The following NUTM2F variants were observed in gnomAD, a reference collection of about 807,000 sequenced individuals.
NUTM2F encodes family with sequence similarity 22, member F.
Under a neutral mutation model 43.3 loss-of-function variants are expected in NUTM2F, and 22 were observed. The ratio of observed to expected loss-of-function variants is 0.51; its 90% CI spans 0.36 to 0.73. The LOEUF (loss-of-function observed/expected upper bound fraction) is 0.73. NUTM2F is among the 30% of genes least tolerant of loss of function. The pLI is 0.00. For missense variants in NUTM2F, 488 were observed against 927.4 expected (o/e 0.53, Z 6.15); for synonymous variants, 202 against 389.0 (o/e 0.52, Z 5.66).
intron 2 of NUTM2F, among the ~76,000 whole-genome samples, chr9:94,323,536 A>C (rs1242164002): frequency 6.6e-6 from 1 of 152,144 alleles, no homozygotes; most frequent in Non-Finnish European, 1.5e-5. Flanking sequence ...TGGTGCACTC[A>C]GAGCTATCAC....
Position 94,327,252 on chromosome 9 carries a change from C to T in NUTM2F, c.17-1318G>A, listed in dbSNP as rs1484471330. Among the ~76,000 whole-genome samples, 52 of 151,974 alleles carry T rather than the reference C, an allele frequency of 3.4e-4. 1 individual carries two copies. Among genetic ancestry groups the T allele is most frequent in the Admixed American group, 3.2e-3 (49 of 15,258 alleles). On this transcript the variant is annotated intron_variant, in intron 1 of 6. Transcript: ENST00000253262. The stretch of plus-strand genomic sequence containing the variant: ...CTGAGTAGCTGGGATTACAGGCGCC[C>T]GCCACCATGCCCAGCCAATTTTTGT...
In NUTM2F at chr9:94,320,245, A is replaced by G. The variant is rs1208891917; in HGVS notation, c.1331T>C (p.Ile444Thr). 8.1e-6 allele frequency: 13 copies of G among 1,613,818 alleles called. No homozygotes were observed. Among genetic ancestry groups the G allele is most frequent in the Non-Finnish European group, 1.0e-5 (12 of 1,179,872 alleles). The change falls in exon 5 of 7, where the codon ATT becomes ACT. Residue 444 changes from isoleucine (I) to threonine (T), a missense_variant. Ile to Thr is a moderately conservative substitution (Grantham distance 89). Coordinates refer to ENST00000253262, the MANE Select transcript of NUTM2F (RefSeq NM_017561.2). This position sits in a 1 kb window ranked among gnomAD's most constrained non-coding sequence, Gnocchi z 4.5. The part of the protein sequence containing the change: ...ITSDPGLLSY[I>T]DKLCSQEDFV... ...GTCTTCCTGGGAACACAGCTTGTCA[A>G]TGTAGCTCAGGAGGCCCGGGTCTGA... is the stretch of plus-strand genomic sequence containing the variant.
rs1831330035 is a variant in NUTM2F at position 94,319,678 on chromosome 9, G to A, written c.1420C>T (p.Pro474Ser). The part of the protein sequence containing the change: ...RFLEELLSPD[P>S]QMDFLALSQE... ...CTTAGGGCCAAGAAATCCATCTGTGGATCTGGGGAAAGCAATTCTTCCAGG... is the reference window on the plus strand; with the variant it reads ...CTTAGGGCCAAGAAATCCATCTGTGAATCTGGGGAAAGCAATTCTTCCAGG... Residue 474 changes from proline to serine, a missense_variant, in exon 6 of 7, where the codon CCA (proline) becomes TCA (serine). By Grantham distance (74) the Pro-to-Ser change is moderately conservative. Transcript: ENST00000253262. 1 of 1,611,736 alleles carries A rather than the reference G, an allele frequency of 6.2e-7. No individual in the cohort carries two copies. Among genetic ancestry groups the A allele is most frequent in the South Asian group, 1.1e-5 (1 of 90,986 alleles).
chr9:94,325,958 G>A (rs1235216323), intron 1 of NUTM2F, 24 bp from the exon 2 acceptor site: 2 of 1,610,306 alleles, frequency 1.2e-6, no homozygotes, highest in Admixed American at 3.3e-5. Context: ...GGAAAGAGGT[G>A]AATGAGCTGG....
rs528187337 is a variant in NUTM2F, at chr9:94,319,460, A to G, written c.1485+153T>C. 1.4e-4 allele frequency among the ~76,000 whole-genome samples: 21 copies of G among 146,502 alleles called. 1 individual carries two copies. The East Asian group carries it at 4.1e-3, about 29-fold the overall frequency. The stretch of plus-strand genomic sequence containing the variant: ...CCCCTCCCTGGCTCCTCTCCATCCT[A>G]CTCCCTCTGAACCTGCATCTTCCCA... On this transcript the variant is annotated intron_variant, in intron 6 of 6. Coordinates refer to ENST00000253262, the MANE Select transcript of NUTM2F (RefSeq NM_017561.2).
In NUTM2F at chr9:94,320,299, T is replaced by G. The variant is rs1486973153; in HGVS notation, c.1277A>C (p.Glu426Ala). Residue 426 changes from glutamate to alanine, a missense_variant, in exon 5 of 7, where the codon GAG becomes GCG. By Grantham distance (107) the Glu-to-Ala change is moderately radical. Transcript: ENST00000253262. The surrounding 1 kb of genome is among the most constrained non-coding windows in gnomAD (Gnocchi z 4.5). ...PEGQREKGKV[E>A]QPQEEDGITS... The stretch of plus-strand genomic sequence containing the variant: ...TATCCCGTCCTCTTCCTGCGGCTGC[T>G]CCACTTTGCCCTTTTCCCGTTGTCC... 3.1e-6 allele frequency: 5 copies of G among 1,613,846 alleles called. No individual in the cohort carries two copies. The Admixed American group carries it at 8.3e-5, about 27-fold the overall frequency.
At chr9:94,327,935 A>G (rs1263829269) in intron 1 of NUTM2F, among the ~76,000 whole-genome samples, 2 of 147,536 alleles carry the variant, frequency 1.4e-5, no homozygotes, top group Non-Finnish European at 3.0e-5. Flanking sequence ...AACTCAGGAA[A>G]CCCAGGCCCT....
At position 94,322,568 on chromosome 9, in the gene NUTM2F, C is replaced by T. The variant is rs574609382; in HGVS notation, c.714-239G>A. Among the ~76,000 whole-genome samples the T allele has an allele frequency of 1.1e-4, 17 of 152,334 alleles. No individual in the cohort carries two copies. In the South Asian group the frequency reaches 2.7e-3, roughly 24 times the overall value. On this transcript the variant is annotated intron_variant, in intron 2 of 6. Coordinates refer to ENST00000253262, the MANE Select transcript of NUTM2F (RefSeq NM_017561.2). ...TCCTCGGTGTTATGATGTTGACAAG[C>T]GAACTCAGTGCTATGGGTGGAACAT...
chr9:94,319,689 A>G lies in NUTM2F; in HGVS notation c.1409T>C (p.Leu470Pro), dbSNP rs1347527237. 2.5e-6 allele frequency: 4 copies of G among 1,611,660 alleles called. No individual in the cohort carries two copies. Among genetic ancestry groups the G allele is most frequent in the Non-Finnish European group, 3.4e-6 (4 of 1,179,788 alleles). The part of the protein sequence containing the change: ...VIHPRFLEEL[L>P]SPDPQMDFLA... ...GAAATCCATCTGTGGATCTGGGGAA[A>G]GCAATTCTTCCAGGAATCGGGGGTG... The change falls in exon 6 of 7, where the codon CTT (leucine) becomes CCT (proline). Residue 470 changes from leucine (L) to proline (P), a missense_variant. Coordinates refer to ENST00000253262, the MANE Select transcript of NUTM2F (RefSeq NM_017561.2).
rs1401552488 is a variant in NUTM2F at position 94,320,265 on chromosome 9, G to A, written c.1311C>T (p.Asp437=). Reference sequence around the variant, plus strand: ...TGTCAATGTAGCTCAGGAGGCCCGGGTCTGAGGTTATCCCGTCCTCTTCCT... The same window carrying A: ...TGTCAATGTAGCTCAGGAGGCCCGGATCTGAGGTTATCCCGTCCTCTTCCT... ...QPQEEDGITS[D]PGLLSYIDKL... Residue 437 remains aspartate, a synonymous_variant, in exon 5 of 7, where the codon GAC becomes GAT. Coordinates refer to ENST00000253262, the MANE Select transcript of NUTM2F (RefSeq NM_017561.2). This position sits in a 1 kb window ranked among gnomAD's most constrained non-coding sequence, Gnocchi z 4.5. 3.1e-6 allele frequency: 5 copies of A among 1,613,882 alleles called. No individual in the cohort carries two copies. Among genetic ancestry groups the A allele is most frequent in the Non-Finnish European group, 4.2e-6 (5 of 1,179,886 alleles).
chr9:94,327,111 T>C (rs1831460732), intron 1 of NUTM2F, among the ~76,000 whole-genome samples: 1 of 141,728 alleles, frequency 7.1e-6, no homozygotes, highest in South Asian at 2.4e-4. Context: ...TTTTTCTTTT[T>C]TTTTTTTTTT....
rs1378494657 is a variant in NUTM2F at position 94,320,489 on chromosome 9, G to T, written c.1087C>A (p.Pro363Thr). The change falls in exon 5 of 7, where the codon CCC becomes ACC. Residue 363 changes from proline to threonine, a missense_variant. By Grantham distance (38) the Pro-to-Thr change is conservative. Transcript: ENST00000253262. The surrounding 1 kb of genome is among the most constrained non-coding windows in gnomAD (Gnocchi z 4.5). The part of the protein sequence containing the change: ...ETKAHLPPPR[P>T]QRPAETNAHL... The stretch of plus-strand genomic sequence containing the variant: ...GCGTTGGTCTCCGCTGGCCTCTGGG[G>T]CCTGGGTGGTGGCAGGTGGGCCTTG... 6.2e-6 allele frequency: 10 copies of T among 1,611,460 alleles called. No individual in the cohort carries two copies. The highest frequency in any genetic ancestry group is 8.5e-6 in the Non-Finnish European group (10 of 1,179,508).
rs748680854 is a variant in NUTM2F, at chr9:94,320,349, G to A, written c.1227C>T (p.His409=). 9.9e-6 allele frequency: 16 copies of A among 1,613,548 alleles called. No homozygotes were observed. Among genetic ancestry groups the A allele is most frequent in the South Asian group, 6.6e-5 (6 of 91,062 alleles). ...CCTCAGGCTCCCCTGTGTCCCCAGG[G>A]TGAGACCCCAGCAGCTCCTCCATGA... ...VDIMEELLGS[H]PGDTGEPEGQ... The change falls in exon 5 of 7, where the codon CAC becomes CAT. Residue 409 remains histidine, a synonymous_variant. Transcript: ENST00000253262. This position sits in a 1 kb window ranked among gnomAD's most constrained non-coding sequence, Gnocchi z 4.5.
chr9:94,320,498 G>C lies in NUTM2F; in HGVS notation c.1078C>G (p.Pro360Ala). ...TCCGCTGGCCTCTGGGGCCTGGGTG[G>C]TGGCAGGTGGGCCTTGGTCTCCGCT... ...RPAETKAHLP[P>A]PRPQRPAETN... The change falls in exon 5 of 7, where the codon CCA (proline) becomes GCA (alanine). Residue 360 changes from proline (P) to alanine (A), a missense_variant. Pro to Ala is a conservative substitution (Grantham distance 27, BLOSUM62 -1). Transcript: ENST00000253262. This position sits in a 1 kb window ranked among gnomAD's most constrained non-coding sequence, Gnocchi z 4.5. 1 of 1,611,436 alleles carries C rather than the reference G, an allele frequency of 6.2e-7. No individual in the cohort carries two copies. Among genetic ancestry groups the C allele is most frequent in the South Asian group, 1.1e-5 (1 of 90,958 alleles).
Position 94,321,210 on chromosome 9 carries a change from C to T in NUTM2F, c.865G>A (p.Glu289Lys). 3 of 1,577,976 alleles carry T rather than the reference C, an allele frequency of 1.9e-6. No individual in the cohort carries two copies. Among genetic ancestry groups the T allele is most frequent in the Non-Finnish European group, 2.6e-6 (3 of 1,170,196 alleles). The change falls in exon 4 of 7, where the codon GAG becomes AAG. Residue 289 changes from glutamate (E) to lysine (K), a missense_variant. Transcript: ENST00000253262. ...AEKFLEFEAE[E>K]EMQIQKSQWM... is the part of the protein sequence containing the mutation. ...TGCGATTTCTGAATCTGCATCTCCT[C>T]CTCAGCCTCAAATTCCAGGAACCTG...
intron 3 of NUTM2F, among the ~76,000 whole-genome samples, chr9:94,321,545 G>T (rs1259075571): frequency 3.7e-4 from 54 of 146,746 alleles, no homozygotes; most frequent in Non-Finnish European, 1.2e-4. Flanking sequence ...GATGGCAGAA[G>T]GCGTCAGGGA....
Position 94,319,626 on chromosome 9 carries a change from A to T in NUTM2F, c.1472T>A (p.Leu491His), listed in dbSNP as rs745347718. ...LSQELEQEEG[L>H]TLAQLVEKRL... is the part of the protein sequence containing the mutation. ...CCGCTGCTCTACCTGGGCAAGGGTGAGTCCTTCCTCCTGCTCCAGCTCCTG... is the reference window on the plus strand; with the variant it reads ...CCGCTGCTCTACCTGGGCAAGGGTGTGTCCTTCCTCCTGCTCCAGCTCCTG... Residue 491 changes from leucine to histidine, a missense_variant, in exon 6 of 7, where the codon CTC (leucine) becomes CAC (histidine). Coordinates refer to ENST00000253262, the MANE Select transcript of NUTM2F (RefSeq NM_017561.2). 1.6e-5 allele frequency: 26 copies of T among 1,612,206 alleles called. No individual in the cohort carries two copies. The highest frequency in any genetic ancestry group is 4.0e-5 in the African/African-American group (3 of 74,830).
intron 3 of NUTM2F, among the ~76,000 whole-genome samples, chr9:94,321,812 G>A (rs1831370567): frequency 6.7e-6 from 1 of 150,254 alleles, no homozygotes; most frequent in African/African-American, 2.4e-5. Context: ...GGCCAGGCTG[G>A]GATGGGAGAA....
intron 2 of NUTM2F, 150 bp from the exon 3 acceptor site, chr9:94,322,479 G>A (rs1271594795): frequency 7.2e-7 from 1 of 1,387,668 alleles, no homozygotes; most frequent in Non-Finnish European, 9.9e-7. Context: ...CAGCCTCCAG[G>A]ACACACCCCC....
Sources: gnomAD v4.1 joint callset for allele counts (sites outside exome capture counted in the v4.1 genomes callset) on GRCh38, gnomAD v4.1.1 for gene constraint, Gnocchi (gnomAD v3.1) non-coding constraint, MANE v1.5 for transcripts, NCBI Gene and HGNC (gene_info 2026-07-23, HGNC 2026-07-21) for gene names.